Variants in PXDNL observed in about 807,000 individuals in gnomAD.
PXDNL encodes the protein probable oxidoreductase PXDNL.
PXDNL carries 145 observed loss-of-function variants against 150.8 expected under a neutral mutation model. The ratio of observed to expected loss-of-function variants is 0.96; its 90% confidence interval spans 0.84 to 1.10. The LOEUF is 1.10. Among genes scored for constraint, PXDNL ranks in the 50% least tolerant of loss-of-function variants. The pLI, the probability that PXDNL is intolerant of heterozygous loss-of-function variation, is 0.00. For missense variants in PXDNL, 2,087 were observed against 1,873.9 expected (o/e 1.11, Z -2.10); for synonymous variants, 757 against 725.7 (o/e 1.04, Z -0.69).
At chr8:51,754,152 T>C (rs886396157) in intron 1 of PXDNL, among the ~76,000 whole-genome samples, 2 of 152,206 alleles carry the variant, frequency 1.3e-5, no homozygotes, top group East Asian at 3.8e-4. Flanking sequence ...CAAAGCCCGA[T>C]GCAACAAGAT....
intron 2 of PXDNL, among the ~76,000 whole-genome samples, chr8:51,601,287 G>A (rs1366151618): frequency 6.6e-6 from 1 of 151,750 alleles, no homozygotes; most frequent in East Asian, 1.9e-4. Context: ...TTAATTTTCT[G>A]CCTTGATGCT....
chr8:51,731,689 C>G (rs1816935852), intron 1 of PXDNL, among the ~76,000 whole-genome samples: 1 of 152,218 alleles, frequency 6.6e-6, no homozygotes, highest in South Asian at 2.1e-4. Flanking sequence ...TTTCATACAT[C>G]CTCTGAAATC....
At chr8:51,621,985 G>A (rs1201942822) in intron 2 of PXDNL, among the ~76,000 whole-genome samples, 1 of 149,620 alleles carries the variant, frequency 6.7e-6, no homozygotes, top group Non-Finnish European at 1.5e-5. Flanking sequence ...ATGTAGTTAA[G>A]TTTACTAATC....
chr8:51,391,000 G>GT (rs1563388273), intron 17 of PXDNL, among the ~76,000 whole-genome samples: 1 of 151,942 alleles, frequency 6.6e-6, no homozygotes, highest in Non-Finnish European at 1.5e-5. Flanking sequence ...GCGGTGTTTG[G>GT]TTTTTTGTCC....
intron 17 of PXDNL, among the ~76,000 whole-genome samples, chr8:51,395,993 T>C (rs954908713): frequency 6.6e-6 from 1 of 152,208 alleles, no homozygotes; most frequent in Non-Finnish European, 1.5e-5. Context: ...TCTAAGATTA[T>C]AGCTAATTTA....
At chr8:51,716,468 A>T (rs543258617) in intron 1 of PXDNL, among the ~76,000 whole-genome samples, 1 of 152,332 alleles carries the variant, frequency 6.6e-6, no homozygotes, top group South Asian at 2.1e-4. Flanking sequence ...TAACTAATTC[A>T]CTTCATGCTA....
chr8:51,360,091 T>C (rs904103582), intron 19 of PXDNL, among the ~76,000 whole-genome samples: 7 of 149,714 alleles, frequency 4.7e-5, no homozygotes, highest in Non-Finnish European at 8.9e-5. Context: ...ATTTTCCACC[T>C]ATATATATGC....
intron 5 of PXDNL, among the ~76,000 whole-genome samples, chr8:51,486,573 A>G (rs920002298): frequency 2.0e-5 from 3 of 151,518 alleles, no homozygotes; most frequent in Non-Finnish European, 4.4e-5. Flanking sequence ...ACTGATTTGC[A>G]TGGGGTGCAA....
intron 19 of PXDNL, among the ~76,000 whole-genome samples, chr8:51,362,346 T>C (rs1806779164): frequency 1.3e-5 from 2 of 152,316 alleles, no homozygotes; most frequent in South Asian, 4.1e-4. Context: ...AAATAGTAGC[T>C]AAGTTAAAAA....
At chr8:51,548,430 G>A (rs748992283) in intron 4 of PXDNL, among the ~76,000 whole-genome samples, 1 of 152,138 alleles carries the variant, frequency 6.6e-6, no homozygotes, top group Non-Finnish European at 1.5e-5. Flanking sequence ...AATCTTAAGA[G>A]TTGTGAGGCA....
intron 21 of PXDNL, among the ~76,000 whole-genome samples, chr8:51,322,215 G>A (rs916330664): frequency 1.3e-5 from 2 of 152,122 alleles, no homozygotes; most frequent in South Asian, 2.1e-4. Context: ...CTTGTATTCT[G>A]CTATGGTGCC....
intron 2 of PXDNL, among the ~76,000 whole-genome samples, chr8:51,602,702 T>G (rs1367426274): frequency 6.6e-6 from 1 of 151,716 alleles, no homozygotes; most frequent in Non-Finnish European, 1.5e-5. Context: ...ATTTTCACTT[T>G]GTTTTGTATC....
At chr8:51,363,163 T>C (rs1260256002) in intron 19 of PXDNL, among the ~76,000 whole-genome samples, 1 of 152,284 alleles carries the variant, frequency 6.6e-6, no homozygotes, top group East Asian at 1.9e-4. Context: ...ACAGCTGTCT[T>C]CCGTCCTGAC....
intron 3 of PXDNL, among the ~76,000 whole-genome samples, chr8:51,558,176 T>C (rs972310335): frequency 2.0e-5 from 3 of 152,050 alleles, no homozygotes; most frequent in African/African-American, 4.8e-5. Context: ...CGTGAGTCAG[T>C]AGTATTTGTA....
chr8:51,528,004 T>C (rs746528916), intron 4 of PXDNL, among the ~76,000 whole-genome samples: 1 of 152,134 alleles, frequency 6.6e-6, no homozygotes, highest in Admixed American at 6.6e-5. Context: ...CTGTCTAATC[T>C]AGTAGTTTGT....
At chr8:51,619,788 C>A (rs1385580133) in intron 2 of PXDNL, among the ~76,000 whole-genome samples, 1 of 151,814 alleles carries the variant, frequency 6.6e-6, no homozygotes. Flanking sequence ...TCAGGTATTT[C>A]TTTATAGTAG....
At chr8:51,505,740 A>G (rs180887678) in intron 4 of PXDNL, among the ~76,000 whole-genome samples, 5 of 152,328 alleles carry the variant, frequency 3.3e-5, no homozygotes, top group African/African-American at 1.2e-4. Flanking sequence ...TAAGATGTCA[A>G]CAATCCTAGC....
At chr8:51,378,781 G>A (rs1490250110) in intron 17 of PXDNL, among the ~76,000 whole-genome samples, 1 of 149,452 alleles carries the variant, frequency 6.7e-6, no homozygotes, top group Non-Finnish European at 1.5e-5. Context: ...AACACTCACT[G>A]CGAAGGTCTG....
At chr8:51,464,603 A>G (rs1810161028) in intron 8 of PXDNL, among the ~76,000 whole-genome samples, 1 of 152,186 alleles carries the variant, frequency 6.6e-6, no homozygotes, top group East Asian at 1.9e-4. Flanking sequence ...GACAATTCCC[A>G]TAAACACACA....
Sources: gnomAD v4.1 joint callset for allele counts (sites outside exome capture counted in the v4.1 genomes callset) on GRCh38, gnomAD v4.1.1 for gene constraint, MANE v1.5 for transcripts, NCBI Gene and HGNC (gene_info 2026-07-23, HGNC 2026-07-21) for gene names.